Variants in CTNNA2 observed in about 807,000 individuals in gnomAD.
The protein encoded by CTNNA2 is catenin alpha 2, also known as catenin alpha-2.
A neutral mutation model predicts 101.0 loss-of-function variants in CTNNA2; 42 were observed. The ratio of observed to expected loss-of-function variants is 0.42; its 90% CI spans 0.32 to 0.54. The LOEUF (loss-of-function observed/expected upper bound fraction) is 0.54, where lower values mean the gene tolerates loss of function less well. CTNNA2 is among the 20% of genes least tolerant of loss of function. CTNNA2 has a pLI of 0.14. For missense variants in CTNNA2, 871 were observed against 1,223.1 expected (o/e 0.71, Z 4.29); for synonymous variants, 450 against 456.4 (o/e 0.99, Z 0.18).
At chr2:80,363,901 A>G (rs1227668709) in intron 7 of CTNNA2, among the ~76,000 whole-genome samples, 1 of 152,120 alleles carries the variant, frequency 6.6e-6, no homozygotes, top group African/African-American at 2.4e-5. Context: ...GTGTCTGTTC[A>G]ATTCCCATTC....
intron 7 of CTNNA2, among the ~76,000 whole-genome samples, chr2:79,930,290 GAA>G (rs1558650826): frequency 0.016 from 1,143 of 70,660 alleles, 19 homozygotes; most frequent in African/African-American, 0.05. Flanking sequence ...GAGAGAGAGA[GAA>G]AGAGAAAGAA....
At chr2:80,007,193 C>T (rs547072961) in intron 7 of CTNNA2, among the ~76,000 whole-genome samples, 1 of 152,092 alleles carries the variant, frequency 6.6e-6, no homozygotes, top group Non-Finnish European at 1.5e-5. Flanking sequence ...GGGATGGTTA[C>T]ATCTAGCTTA....
chr2:79,440,511 G>T (rs1678766014), intron 4 of CTNNA2, among the ~76,000 whole-genome samples: 1 of 152,054 alleles, frequency 6.6e-6, no homozygotes. Context: ...TGCTATGTTT[G>T]CTTGTTTGTT....
chr2:79,891,602 T>A (rs1044738405), intron 6 of CTNNA2, among the ~76,000 whole-genome samples: 10 of 152,092 alleles, frequency 6.6e-5, no homozygotes, highest in African/African-American at 2.4e-4. Context: ...ACCCCCAGAG[T>A]GTGGCAGCCC....
At chr2:80,474,977 C>G (rs1685609853) in intron 9 of CTNNA2, among the ~76,000 whole-genome samples, 1 of 152,134 alleles carries the variant, frequency 6.6e-6, no homozygotes, top group Non-Finnish European at 1.5e-5. Flanking sequence ...AAAATTATCT[C>G]ACAGGCCCAG....
intron 2 of CTNNA2, among the ~76,000 whole-genome samples, chr2:79,258,032 A>C (rs966787374): frequency 1.3e-5 from 2 of 152,146 alleles, no homozygotes; most frequent in African/African-American, 2.4e-5. Flanking sequence ...TACCAGGAGA[A>C]GAGTCATTCT....
intron 7 of CTNNA2, among the ~76,000 whole-genome samples, chr2:80,093,164 C>A (rs1489016648): frequency 1.3e-5 from 2 of 152,016 alleles, no homozygotes; most frequent in Admixed American, 1.3e-4. Context: ...CTCCCCCAAC[C>A]CCACAACAGT....
At chr2:80,476,874 AT>A (rs1196948769) in intron 9 of CTNNA2, among the ~76,000 whole-genome samples, 7 of 152,168 alleles carry the variant, frequency 4.6e-5, no homozygotes, top group Admixed American at 2.0e-4. Flanking sequence ...GAAGAAGAAA[AT>A]TGCTTGATAG....
intron 7 of CTNNA2, among the ~76,000 whole-genome samples, chr2:80,015,280 G>A (rs1218443453): frequency 6.6e-6 from 1 of 152,104 alleles, no homozygotes; most frequent in Non-Finnish European, 1.5e-5. Context: ...TTGTGTACCT[G>A]TTCTCTCTGT....
chr2:79,461,975 A>T (rs1430620311), intron 4 of CTNNA2, among the ~76,000 whole-genome samples: 2 of 152,118 alleles, frequency 1.3e-5, no homozygotes, highest in Admixed American at 6.6e-5. Context: ...TGTTGAGGTG[A>T]TGAGAATGAG....
At chr2:79,823,369 A>T (rs1418978503) in intron 3 of CTNNA2, among the ~76,000 whole-genome samples, 1 of 152,172 alleles carries the variant, frequency 6.6e-6, no homozygotes, top group Non-Finnish European at 1.5e-5. Context: ...AGACAGAACC[A>T]TAATCGTGCA....
At chr2:79,374,067 A>G (rs1239370559) in intron 4 of CTNNA2, 1 of 152,768 alleles carries the variant, frequency 6.5e-6, no homozygotes, top group Admixed American at 6.6e-5. Context: ...CTCTTTCACT[A>G]ATTCCAATTA....
chr2:79,366,005 G>A (rs903999065), intron 3 of CTNNA2, among the ~76,000 whole-genome samples: 8 of 152,150 alleles, frequency 5.3e-5, no homozygotes, highest in African/African-American at 1.2e-4. Flanking sequence ...CTTATGAGGC[G>A]GAAGAGAAAA....
intron 1 of CTNNA2, among the ~76,000 whole-genome samples, chr2:79,539,014 C>G (rs1424377913): frequency 6.6e-6 from 1 of 152,086 alleles, no homozygotes; most frequent in Non-Finnish European, 1.5e-5. Context: ...AAATCAAGAT[C>G]AATAAGGATA....
At chr2:79,840,441 C>T (rs984273444) in intron 3 of CTNNA2, among the ~76,000 whole-genome samples, 1 of 152,064 alleles carries the variant, frequency 6.6e-6, no homozygotes, top group Non-Finnish European at 1.5e-5. Flanking sequence ...CTTTTTCTTT[C>T]TTGTATTTGT....
chr2:80,127,371 G>T (rs1655018835), intron 7 of CTNNA2, among the ~76,000 whole-genome samples: 1 of 152,132 alleles, frequency 6.6e-6, no homozygotes, highest in African/African-American at 2.4e-5. Context: ...TGGGGCAGAA[G>T]AATATGCTAT....
At chr2:80,553,807 A>C (rs1692790700) in intron 11 of CTNNA2, among the ~76,000 whole-genome samples, 1 of 152,198 alleles carries the variant, frequency 6.6e-6, no homozygotes, top group Non-Finnish European at 1.5e-5. Context: ...TTTTACATTT[A>C]GAATTCTCTG....
intron 3 of CTNNA2, among the ~76,000 whole-genome samples, chr2:79,814,235 A>G (rs1677283775): frequency 6.6e-6 from 1 of 151,952 alleles, no homozygotes; most frequent in African/African-American, 2.4e-5. Flanking sequence ...TTTTTCAAAA[A>G]TATTTTTTAC....
chr2:80,060,365 C>T (rs1002846920), intron 7 of CTNNA2, among the ~76,000 whole-genome samples: 17 of 152,274 alleles, frequency 1.1e-4, no homozygotes, highest in African/African-American at 3.4e-4. Context: ...GCGGTTCTGG[C>T]GGCAACTTTG....
Sources: gnomAD v4.1 joint callset for allele counts (sites outside exome capture counted in the v4.1 genomes callset) on GRCh38, gnomAD v4.1.1 for gene constraint, MANE v1.5 for transcripts, NCBI Gene and HGNC (gene_info 2026-07-23, HGNC 2026-07-21) for gene names.